The following MAP2K5 variants were observed in gnomAD, a reference collection of about 807,000 sequenced individuals.
MAP2K5 encodes dual specificity mitogen-activated protein kinase kinase 5.
In MAP2K5, 49 loss-of-function variants were observed where a neutral mutation model predicts 83.1. That is an observed-to-expected ratio of 0.59 (90% CI 0.47 to 0.75). The LOEUF is 0.75. MAP2K5 is among the 30% of genes least tolerant of loss of function. The pLI, the probability that MAP2K5 is intolerant of heterozygous loss-of-function variation, is 0.00. For synonymous variants in MAP2K5, 202 were observed against 191.8 expected (o/e 1.05, Z -0.44); for missense variants, 457 against 557.5 (o/e 0.82, Z 1.82).
At chr15:67,627,034 C>G (rs1011942298) in intron 8 of MAP2K5, among the ~76,000 whole-genome samples, 1 of 152,040 alleles carries the variant, frequency 6.6e-6, no homozygotes, top group South Asian at 2.1e-4. Context: ...TGGACTCAAG[C>G]GACCCTCTTG....
rs1187725907 is a variant in MAP2K5, at chr15:67,587,494, T to C, written c.431+581T>C. Among the ~76,000 whole-genome samples the C allele has an allele frequency of 6.6e-6, 1 of 152,160 alleles. No individual in the cohort carries two copies. The highest frequency in any genetic ancestry group is 2.1e-4 in the South Asian group (1 of 4,830). On this transcript the variant is annotated intron_variant, in intron 6 of 21. Coordinates refer to ENST00000178640, the MANE Select transcript of MAP2K5 (RefSeq NM_145160.3). The surrounding 1 kb of genome is among the most constrained non-coding windows in gnomAD (Gnocchi z 4.8). ...CCCATCTAATCCTGCCCTCCTTTAA[T>C]GTTTGACTTCCTACTCCTTGCCAAA...
chr15:67,685,949 T>A (rs1222889460), intron 13 of MAP2K5, among the ~76,000 whole-genome samples: 1 of 152,248 alleles, frequency 6.6e-6, no homozygotes, highest in East Asian at 1.9e-4. Context: ...ACAAAAAGCT[T>A]ATAGCTCTCA....
chr15:67,661,514 T>C (rs932322762), intron 12 of MAP2K5, among the ~76,000 whole-genome samples: 4 of 152,156 alleles, frequency 2.6e-5, no homozygotes, highest in Admixed American at 1.3e-4. Flanking sequence ...AGATTTTCAG[T>C]TCACAGATTT....
At position 67,677,456 on chromosome 15, in the gene MAP2K5, A is replaced by C. The variant is rs1443042998; in HGVS notation, c.847+12811A>C. Among the ~76,000 whole-genome samples, 1 of 152,168 alleles carries C rather than the reference A, an allele frequency of 6.6e-6. No individual in the cohort carries two copies. The highest frequency in any genetic ancestry group is 1.5e-5 in the Non-Finnish European group (1 of 68,028). ...TGCCAAGTAAGTGTTATCTACCATA[A>C]TTTTTTGTTATTTCTTTAAAACAAA... is the stretch of plus-strand genomic sequence containing the variant. On this transcript the variant is annotated intron_variant, in intron 13 of 21. Coordinates refer to ENST00000178640, the MANE Select transcript of MAP2K5 (RefSeq NM_145160.3). This position sits in a 1 kb window ranked among gnomAD's most constrained non-coding sequence, Gnocchi z 4.2.
chr15:67,613,011 T>C (rs559766581), intron 8 of MAP2K5, among the ~76,000 whole-genome samples: 85 of 152,164 alleles, frequency 5.6e-4, no homozygotes, highest in Non-Finnish European at 9.6e-4. Context: ...AGAGGAGTTA[T>C]TTACAGAGGC....
intron 13 of MAP2K5, among the ~76,000 whole-genome samples, chr15:67,689,118 A>T (rs1015719673): frequency 1.9e-4 from 29 of 152,216 alleles, no homozygotes; most frequent in African/African-American, 6.8e-4. Flanking sequence ...AGCTGAGTGC[A>T]GTGGCAAACA....
rs1248691968 is a variant in MAP2K5, at chr15:67,786,021, T to G, written c.1242+13269T>G. Among the ~76,000 whole-genome samples, 1 of 149,770 alleles carries G rather than the reference T, an allele frequency of 6.7e-6. No individual in the cohort carries two copies. The highest frequency in any genetic ancestry group is 1.5e-5 in the Non-Finnish European group (1 of 67,574). ...GGGGGCTTTTAGCTGTTAGGTTGTT[T>G]TTTTTTTTTTAACTTACAGAAGATG... On this transcript the variant is annotated intron_variant, in intron 21 of 21. Coordinates refer to ENST00000178640, the MANE Select transcript of MAP2K5 (RefSeq NM_145160.3). This position sits in a 1 kb window ranked among gnomAD's most constrained non-coding sequence, Gnocchi z 4.7.
rs142605233 is a variant in MAP2K5, at chr15:67,778,669, G to A, written c.1242+5917G>A. ...AGAGCAGGGTGATCCTTTGCGGTTA[G>A]CAGAAGGGTAGGGGGATTTCTTACC... On this transcript the variant is annotated intron_variant, in intron 21 of 21. Coordinates refer to ENST00000178640, the MANE Select transcript of MAP2K5 (RefSeq NM_145160.3). This position sits in a 1 kb window ranked among gnomAD's most constrained non-coding sequence, Gnocchi z 5.0. 6.6e-6 allele frequency among the ~76,000 whole-genome samples: 1 copy of A among 152,272 alleles called. No individual in the cohort carries two copies. Among genetic ancestry groups the A allele is most frequent in the African/African-American group, 2.4e-5 (1 of 41,538 alleles).
At chr15:67,646,588 C>T (rs952649992) in intron 11 of MAP2K5, 119 bp downstream of exon 11, 3 of 549,734 alleles carry the variant, frequency 5.5e-6, no homozygotes, top group Non-Finnish European at 9.3e-6. Context: ...CTAATAATTA[C>T]CTCATTTATA....
intron 8 of MAP2K5, among the ~76,000 whole-genome samples, chr15:67,626,459 G>A (rs181351628): frequency 1.2e-3 from 185 of 152,102 alleles, no homozygotes; most frequent in African/African-American, 4.2e-3. Flanking sequence ...CCTGGGTTTC[G>A]GAGGATGCAG....
chr15:67,767,515 G>C (rs1340487888), intron 19 of MAP2K5, among the ~76,000 whole-genome samples: 1 of 152,176 alleles, frequency 6.6e-6, no homozygotes. Context: ...CTTCCTCACT[G>C]ATCAGAGTCC....
At position 67,677,514 on chromosome 15, in the gene MAP2K5, C is replaced by A. The variant is rs2087710287; in HGVS notation, c.847+12869C>A. ...GATTAGTCTTCGGGACACACCGCTC[C>A]AAGTCAAGTCTGCTGTCTTACATCT... is the stretch of plus-strand genomic sequence containing the variant. On this transcript the variant is annotated intron_variant, in intron 13 of 21. Coordinates refer to ENST00000178640, the MANE Select transcript of MAP2K5 (RefSeq NM_145160.3). The surrounding 1 kb of genome is among the most constrained non-coding windows in gnomAD (Gnocchi z 4.2). 6.6e-6 allele frequency among the ~76,000 whole-genome samples: 1 copy of A among 152,176 alleles called. No homozygotes were observed. Among genetic ancestry groups the A allele is most frequent in the African/African-American group, 2.4e-5 (1 of 41,428 alleles).
intron 8 of MAP2K5, among the ~76,000 whole-genome samples, chr15:67,618,675 T>C (rs776270821): frequency 6.6e-6 from 1 of 152,240 alleles, no homozygotes; most frequent in African/African-American, 2.4e-5. Context: ...ACAAAAACTT[T>C]GCAGTCTTTC....
intron 13 of MAP2K5, among the ~76,000 whole-genome samples, chr15:67,682,246 C>A (rs1254078825): frequency 1.3e-5 from 2 of 150,298 alleles, no homozygotes; most frequent in Admixed American, 6.6e-5. Flanking sequence ...AAGATAGAGT[C>A]TTGTTCTATT....
chr15:67,591,094 C>T (rs1198539139), intron 6 of MAP2K5, among the ~76,000 whole-genome samples: 3 of 151,996 alleles, frequency 2.0e-5, no homozygotes, highest in African/African-American at 4.8e-5. Flanking sequence ...TGCCTGTAAT[C>T]CCAGCACTTT....
chr15:67,603,688 A>G (rs936281339), intron 8 of MAP2K5, among the ~76,000 whole-genome samples: 1 of 152,212 alleles, frequency 6.6e-6, no homozygotes, highest in African/African-American at 2.4e-5. Context: ...GTGCAAAGAA[A>G]TGATATAATC....
chr15:67,653,914 A>G (rs1438967629), intron 11 of MAP2K5, among the ~76,000 whole-genome samples: 1 of 152,102 alleles, frequency 6.6e-6, no homozygotes, highest in Non-Finnish European at 1.5e-5. Context: ...TTTTTCTATG[A>G]TAGAAATCTC....
At chr15:67,617,436 A>G (rs2086079229) in intron 8 of MAP2K5, among the ~76,000 whole-genome samples, 1 of 152,228 alleles carries the variant, frequency 6.6e-6, no homozygotes, top group Non-Finnish European at 1.5e-5. Flanking sequence ...TTATCAGAAA[A>G]TGTATGATCA....
At chr15:67,553,907 G>A (rs1398097642) in intron 2 of MAP2K5, among the ~76,000 whole-genome samples, 1 of 97,786 alleles carries the variant, frequency 1.0e-5, no homozygotes, top group African/African-American at 4.1e-5. Context: ...GCGACAGAGC[G>A]AGACTCCATC....
Sources: allele counts gnomAD v4.1 joint callset (sites outside exome capture counted in the v4.1 genomes callset), GRCh38; gene constraint gnomAD v4.1.1; non-coding constraint Gnocchi (gnomAD v3.1); transcripts MANE v1.5; gene names NCBI Gene and HGNC (gene_info 2026-07-23, HGNC 2026-07-21).